SCD5: variants seen among roughly 807,000 people sequenced by gnomAD.
SCD5 encodes acyl-CoA-desaturase 4.
In SCD5, 20 loss-of-function variants were observed where a neutral mutation model predicts 30.4. That is an observed-to-expected ratio of 0.66 (90% CI 0.46 to 0.96). SCD5 has a LOEUF of 0.96. SCD5 is among the 40% of genes least tolerant of loss of function. The pLI is 0.00. For synonymous variants in SCD5, 173 were observed against 176.4 expected, an observed-to-expected ratio of 0.98 and a Z score of 0.16; for missense variants, 381 against 443.3, an observed-to-expected ratio of 0.86 and a Z score of 1.26.
chr4:82,636,946 A>T (rs568063723), intron 3 of SCD5, 123 bp from the exon 4 acceptor site: 2 of 759,768 alleles, frequency 2.6e-6, no homozygotes, highest in African/African-American at 1.8e-5. Context: ...AGCTCCTTCA[A>T]CGCTTTCTAT....
chr4:82,669,130 C>A (rs966431874), intron 3 of SCD5, among the ~76,000 whole-genome samples: 7 of 151,926 alleles, frequency 4.6e-5, no homozygotes, highest in African/African-American at 1.7e-4. Flanking sequence ...GGTTGCAAAT[C>A]CCCAGATGAT....
intron 1 of SCD5, among the ~76,000 whole-genome samples, chr4:82,716,194 C>T (rs575706880): frequency 5.3e-5 from 8 of 151,698 alleles, no homozygotes; most frequent in African/African-American, 1.7e-4. Flanking sequence ...TTCCGGGTGT[C>T]GGGGAGATCA....
intron 1 of SCD5, among the ~76,000 whole-genome samples, chr4:82,709,918 T>C (rs1720047950): frequency 6.6e-6 from 1 of 152,252 alleles, no homozygotes; most frequent in Non-Finnish European, 1.5e-5. Context: ...CCAATGTACC[T>C]AATTTTCCTG....
chr4:82,734,285 A>C (rs1193465053), intron 1 of SCD5, among the ~76,000 whole-genome samples: 1 of 152,178 alleles, frequency 6.6e-6, no homozygotes, highest in African/African-American at 2.4e-5. Context: ...CTCACTTCCA[A>C]AGAAACCCAA....
At chr4:82,687,214 AG>A in intron 2 of SCD5, among the ~76,000 whole-genome samples, 1 of 150,988 alleles carries the variant, frequency 6.6e-6, no homozygotes, top group Admixed American at 6.6e-5. Flanking sequence ...AAAGAAAGAA[AG>A]AAAGAAGAAA....
intron 3 of SCD5, among the ~76,000 whole-genome samples, chr4:82,678,548 A>G (rs1325592920): frequency 5.3e-5 from 8 of 152,194 alleles, no homozygotes; most frequent in Non-Finnish European, 8.8e-5. Context: ...TTATATAGCA[A>G]CATCATTTGT....
At chr4:82,734,312 C>T (rs1303100758) in intron 1 of SCD5, among the ~76,000 whole-genome samples, 2 of 152,184 alleles carry the variant, frequency 1.3e-5, no homozygotes, top group Non-Finnish European at 2.9e-5. Context: ...CAAAACAATC[C>T]CAGCATCAGA....
intron 1 of SCD5, among the ~76,000 whole-genome samples, chr4:82,778,420 TAC>T (rs1213294663): frequency 6.6e-6 from 1 of 152,238 alleles, no homozygotes; most frequent in Non-Finnish European, 1.5e-5. Context: ...ATGTATTATT[TAC>T]AGTTCTACAG....
chr4:82,774,433 G>C (rs1481375254), intron 1 of SCD5, among the ~76,000 whole-genome samples: 1 of 152,184 alleles, frequency 6.6e-6, no homozygotes, highest in Non-Finnish European at 1.5e-5. Flanking sequence ...GAGAAAAAAG[G>C]CTGAAAGGCT....
intron 1 of SCD5, among the ~76,000 whole-genome samples, chr4:82,761,704 A>T (rs1007472408): frequency 2.6e-5 from 4 of 150,944 alleles, no homozygotes; most frequent in Non-Finnish European, 4.4e-5. Flanking sequence ...AGCATTAGGT[A>T]TATCTCCCGA....
chr4:82,725,420 C>T (rs1324520964), intron 1 of SCD5, among the ~76,000 whole-genome samples: 2 of 152,340 alleles, frequency 1.3e-5, no homozygotes, highest in East Asian at 3.8e-4. Context: ...ATCAACCACT[C>T]ACAGTACTAT....
chr4:82,686,151 A>G (rs1728699413), intron 2 of SCD5, among the ~76,000 whole-genome samples: 1 of 152,094 alleles, frequency 6.6e-6, no homozygotes, highest in African/African-American at 2.4e-5. Flanking sequence ...GACCACAGGC[A>G]CATGCCACTA....
chr4:82,653,555 G>A (rs1727799420), intron 3 of SCD5, among the ~76,000 whole-genome samples: 1 of 151,992 alleles, frequency 6.6e-6, no homozygotes, highest in Non-Finnish European at 1.5e-5. Flanking sequence ...CATATGAAAT[G>A]TAGCTCTCTC....
At chr4:82,651,544 T>G (rs1337353273) in intron 3 of SCD5, among the ~76,000 whole-genome samples, 1 of 152,038 alleles carries the variant, frequency 6.6e-6, no homozygotes, top group Non-Finnish European at 1.5e-5. Context: ...TGCACCAAAA[T>G]CTCAGAAATC....
At chr4:82,734,880 T>C (rs183205060) in intron 1 of SCD5, among the ~76,000 whole-genome samples, 10 of 152,078 alleles carry the variant, frequency 6.6e-5, no homozygotes, top group Non-Finnish European at 1.3e-4. Context: ...TTCTTGTGCC[T>C]CAGCCTCCCA....
intron 3 of SCD5, among the ~76,000 whole-genome samples, chr4:82,671,298 A>T (rs577286557): frequency 2.0e-4 from 31 of 152,310 alleles, no homozygotes; most frequent in African/African-American, 7.5e-4. Context: ...ATAATTGGAG[A>T]TGTGAACAGC....
At chr4:82,661,088 A>G (rs1184953467) in intron 3 of SCD5, 1 of 1,611,596 alleles carries the variant, frequency 6.2e-7, no homozygotes, top group African/African-American at 1.3e-5. Flanking sequence ...CTGATAAAAA[A>G]TAAAGAAAAT....
chr4:82,646,640 T>C (rs940875189), intron 3 of SCD5, among the ~76,000 whole-genome samples: 2 of 152,200 alleles, frequency 1.3e-5, no homozygotes, highest in African/African-American at 4.8e-5. Context: ...TCCCCTGTGC[T>C]ACTCCATGAT....
intron 1 of SCD5, among the ~76,000 whole-genome samples, chr4:82,756,891 G>A (rs915154270): frequency 6.6e-6 from 1 of 151,994 alleles, no homozygotes; most frequent in African/African-American, 2.4e-5. Context: ...GTTGAGAGAG[G>A]ATCTCCCTCT....
Sources: gnomAD v4.1 joint callset for allele counts (sites outside exome capture counted in the v4.1 genomes callset) on GRCh38, gnomAD v4.1.1 for gene constraint, MANE v1.5 for transcripts, NCBI Gene and HGNC (gene_info 2026-07-23, HGNC 2026-07-21) for gene names.